Variants in IFT80 observed in about 807,000 individuals in gnomAD.
IFT80 encodes the protein intraflagellar transport 80.
IFT80 carries 79 observed loss-of-function variants against 107.9 expected under a neutral mutation model. That is an observed-to-expected ratio of 0.73 (90% CI 0.61 to 0.88). IFT80 has a LOEUF of 0.88. Ranked by LOEUF, IFT80 falls within the 40% of genes least tolerant of loss-of-function variation. IFT80 has a pLI of 0.00. For synonymous variants in IFT80, 299 were observed against 300.9 expected (o/e 0.99, Z 0.07); for missense variants, 797 against 914.2 (o/e 0.87, Z 1.65).
At chr3:160,359,536 T>C (rs1721344153) in intron 6 of IFT80, among the ~76,000 whole-genome samples, 2 of 152,154 alleles carry the variant, frequency 1.3e-5, no homozygotes, top group Non-Finnish European at 2.9e-5. Context: ...CCTCCTCAAG[T>C]GGGTCCTTGA....
chr3:160,320,130 A>G, intron 8 of IFT80, 191 bp from the exon 9 acceptor site: 1 of 573,890 alleles, frequency 1.7e-6, no homozygotes, highest in East Asian at 2.9e-5. Flanking sequence ...TCCACAGTAG[A>G]ACATCATGCT....
intron 5 of IFT80, among the ~76,000 whole-genome samples, chr3:160,372,909 G>A (rs1018034056): frequency 7.2e-5 from 11 of 152,076 alleles, no homozygotes; most frequent in Non-Finnish European, 1.5e-4. Flanking sequence ...GGCAGTGAGA[G>A]GAAGAGCATC....
At chr3:160,316,717 A>G (rs1717849257) in intron 9 of IFT80, among the ~76,000 whole-genome samples, 3 of 152,078 alleles carry the variant, frequency 2.0e-5, no homozygotes, top group Non-Finnish European at 4.4e-5. Flanking sequence ...CCTCTCCCTG[A>G]CTAAATACAC....
chr3:160,384,540 G>A (rs1265516075), intron 2 of IFT80, 24 bp downstream of exon 2: 1 of 1,435,872 alleles, frequency 7.0e-7, no homozygotes, highest in Admixed American at 1.9e-5. Context: ...AATCCAATAA[G>A]ATTTATAAGC....
chr3:160,295,423 A>AGTGAGCCATT lies in IFT80; in HGVS notation c.1315+5450_1315+5459dup, dbSNP rs557932376. 5.7e-3 allele frequency among the ~76,000 whole-genome samples: 867 copies of AGTGAGCCATT among 152,172 alleles called. 14 individuals carry two copies. Among genetic ancestry groups the AGTGAGCCATT allele is most frequent in the Middle Eastern group, 0.017 (5 of 294 alleles). Reference sequence around the variant, plus strand: ...AGTTTGAGACCAGCCCGGGCAACATAGTGAGCCATTGTCTCTATTAAAAAT... The same window carrying AGTGAGCCATT: ...AGTTTGAGACCAGCCCGGGCAACATAGTGAGCCATTGTGAGCCATTGTCTCTATTAAAAAT... On this transcript the variant is annotated intron_variant, in intron 12 of 19. Transcript: ENST00000326448.
intron 19 of IFT80, among the ~76,000 whole-genome samples, chr3:160,266,822 T>C (rs537118970): frequency 5.8e-4 from 88 of 152,264 alleles, no homozygotes; most frequent in African/African-American, 2.0e-3. Flanking sequence ...TTTTAACATA[T>C]GATCATATAT....
chr3:160,341,599 G>C (rs2108335081), intron 8 of IFT80, among the ~76,000 whole-genome samples: 1 of 152,218 alleles, frequency 6.6e-6, no homozygotes, highest in South Asian at 2.1e-4. Flanking sequence ...CCCTGAGGGA[G>C]CGTTTAAAAT....
At chr3:160,277,553 T>A (rs1181080038) in intron 17 of IFT80, 28 bp downstream of exon 17, 1 of 1,582,350 alleles carries the variant, frequency 6.3e-7, no homozygotes, top group Non-Finnish European at 8.7e-7. Flanking sequence ...AAAACACATG[T>A]ACATATATGT....
At chr3:160,351,628 T>C (rs139209833) in intron 8 of IFT80, among the ~76,000 whole-genome samples, 1,995 of 147,846 alleles carry the variant, frequency 0.013, 22 homozygotes, top group Non-Finnish European at 0.02. Context: ...ATATATAGTA[T>C]ATATAGACAT....
chr3:160,285,400 C>T (rs907547159), intron 13 of IFT80, among the ~76,000 whole-genome samples: 7 of 152,132 alleles, frequency 4.6e-5, no homozygotes, highest in African/African-American at 1.7e-4. Flanking sequence ...ATAGCGATTT[C>T]TTACTACAGT....
intron 19 of IFT80, among the ~76,000 whole-genome samples, chr3:160,267,885 G>C (rs993682324): frequency 5.3e-5 from 8 of 152,244 alleles, no homozygotes; most frequent in East Asian, 3.9e-4. Flanking sequence ...CTTCTAATTA[G>C]AGTAATAAAA....
intron 11 of IFT80, among the ~76,000 whole-genome samples, chr3:160,303,546 C>T (rs1716600064): frequency 6.6e-6 from 1 of 152,040 alleles, no homozygotes; most frequent in Non-Finnish European, 1.5e-5. Flanking sequence ...AGTTATTTAC[C>T]TGTGTTGCTC....
At chr3:160,374,068 T>A (rs907121202) in intron 5 of IFT80, among the ~76,000 whole-genome samples, 1 of 151,886 alleles carries the variant, frequency 6.6e-6, no homozygotes, top group Non-Finnish European at 1.5e-5. Flanking sequence ...AATCCACAGG[T>A]AGTAAATGGG....
At chr3:160,362,254 C>T (rs569375566) in intron 6 of IFT80, among the ~76,000 whole-genome samples, 31 of 152,096 alleles carry the variant, frequency 2.0e-4, no homozygotes, top group Non-Finnish European at 3.8e-4. Context: ...AACACCTCTA[C>T]GCAAATAAAA....
chr3:160,301,056 A>G lies in IFT80; in HGVS notation c.1152-10T>C, dbSNP rs753754363. On this transcript the variant is annotated splice_polypyrimidine_tract_variant and intron_variant, in intron 11 of 19. Coordinates refer to ENST00000326448, the MANE Select transcript of IFT80 (RefSeq NM_020800.3). The stretch of plus-strand genomic sequence containing the variant: ...TACAAGAAGAAAATGTCTAAAAAAT[A>G]AAGAATAGAAATAGATTCTCAAACA... 2.6e-6 allele frequency: 4 copies of G among 1,561,930 alleles called. No individual in the cohort carries two copies. In the East Asian group the frequency reaches 6.8e-5, roughly 26 times the overall value.
chr3:160,272,320 T>C (rs1713875112), intron 18 of IFT80, among the ~76,000 whole-genome samples: 1 of 152,106 alleles, frequency 6.6e-6, no homozygotes, highest in African/African-American at 2.4e-5. Context: ...GACTGCAATA[T>C]TGTGGCTATG....
intron 6 of IFT80, among the ~76,000 whole-genome samples, chr3:160,357,871 G>A (rs906079409): frequency 3.7e-4 from 56 of 152,090 alleles, no homozygotes; most frequent in Non-Finnish European, 4.3e-4. Flanking sequence ...ATTTCAAGCC[G>A]GACATTTGTA....
At chr3:160,301,865 A>T (rs1487009474) in intron 11 of IFT80, among the ~76,000 whole-genome samples, 1 of 151,992 alleles carries the variant, frequency 6.6e-6, no homozygotes, top group African/African-American at 2.4e-5. Context: ...AACTTCCAGA[A>T]CTTTACTAAC....
chr3:160,281,195 C>CAT (rs1282039103), intron 14 of IFT80, among the ~76,000 whole-genome samples: 1 of 152,112 alleles, frequency 6.6e-6, no homozygotes, highest in Non-Finnish European at 1.5e-5. Context: ...CTAGTCTGCC[C>CAT]ATCAGTGGGA....
Sources: gnomAD v4.1 joint callset for allele counts (sites outside exome capture counted in the v4.1 genomes callset) on GRCh38, gnomAD v4.1.1 for gene constraint, MANE v1.5 for transcripts, NCBI Gene and HGNC (gene_info 2026-07-23, HGNC 2026-07-21) for gene names.